SIM1: variants seen among roughly 807,000 people sequenced by gnomAD.
The protein encoded by SIM1 is single-minded homolog 1.
In SIM1, 18 loss-of-function variants were observed where a neutral mutation model predicts 78.2. The ratio of observed to expected loss-of-function variants is 0.23; its 90% CI spans 0.16 to 0.34. SIM1 has a LOEUF of 0.34. Ranked by LOEUF, SIM1 falls within the 10% of genes least tolerant of loss-of-function variation. The pLI, the probability that SIM1 is intolerant of heterozygous loss-of-function variation, is 1.00. For missense variants in SIM1, 939 were observed against 975.1 expected, an observed-to-expected ratio of 0.96 and a Z score of 0.49; for synonymous variants, 417 against 385.2, an observed-to-expected ratio of 1.08 and a Z score of -0.97.
chr6:100,438,518 G>A (rs1012263062), intron 9 of SIM1, among the ~76,000 whole-genome samples: 1 of 152,206 alleles, frequency 6.6e-6, no homozygotes, highest in African/African-American at 2.4e-5. Context: ...TGATAGAAGT[G>A]TAAATTAGTA....
At chr6:100,409,954 A>G (rs1402467132) in intron 10 of SIM1, among the ~76,000 whole-genome samples, 1 of 152,194 alleles carries the variant, frequency 6.6e-6, no homozygotes, top group East Asian at 1.9e-4. Context: ...CAAATGACCT[A>G]TCTGGAAAAT....
chr6:100,455,601 C>T (rs1181135027), intron 2 of SIM1, among the ~76,000 whole-genome samples: 4 of 152,220 alleles, frequency 2.6e-5, no homozygotes, highest in African/African-American at 9.7e-5. Flanking sequence ...GGAGAAAGGA[C>T]CCTATTGGGA....
At position 100,387,292 on chromosome 6, in the gene SIM1, T is replaced by G. The variant is rs1770537433; in HGVS notation, c.*3069A>C. ...TGGCAAAGTTATGGAAATCAAGAAT[T>G]AAAACTAAAGCCATATTAAGTTTAA... is the stretch of plus-strand genomic sequence containing the variant. On this transcript the variant is annotated 3_prime_UTR_variant, in exon 12 of 12. Transcript: ENST00000369208. The G allele has an allele frequency of 6.6e-6, 1 of 152,060 alleles. No individual in the cohort carries two copies. The highest frequency in any genetic ancestry group is 2.1e-4 in the South Asian group (1 of 4,828). 9.4% of individuals were successfully genotyped at this position (152,060 alleles called of 1,614,324 possible).
In SIM1 at chr6:100,444,829, C is replaced by T. The variant is rs79809784; in HGVS notation, c.998+2439G>A. On this transcript the variant is annotated intron_variant, in intron 9 of 11. Transcript: ENST00000369208. The stretch of plus-strand genomic sequence containing the variant: ...CTTATGAATGTTGCCTCCACCAAAA[C>T]ATCACAACCTCATTTGACCAAGGCT... Among the ~76,000 whole-genome samples, 634 of 152,262 alleles carry T rather than the reference C, an allele frequency of 4.2e-3. 3 individuals carry two copies. The highest frequency in any genetic ancestry group is 6.9e-3 in the Non-Finnish European group (471 of 67,964).
intron 9 of SIM1, among the ~76,000 whole-genome samples, chr6:100,443,272 A>C (rs929179923): frequency 2.0e-5 from 3 of 152,062 alleles, no homozygotes; most frequent in African/African-American, 7.2e-5. Flanking sequence ...TCAGTGAATC[A>C]CTCTAAAATA....
intron 9 of SIM1, among the ~76,000 whole-genome samples, chr6:100,445,846 C>T (rs1582314576): frequency 2.6e-5 from 4 of 152,168 alleles, no homozygotes; most frequent in African/African-American, 7.2e-5. Context: ...TACTGTTTCA[C>T]GGAGGGGGCT....
At chr6:100,446,340 C>G (rs1056841574) in intron 9 of SIM1, among the ~76,000 whole-genome samples, 1 of 152,180 alleles carries the variant, frequency 6.6e-6, no homozygotes, top group African/African-American at 2.4e-5. Context: ...CCTGGTGTGT[C>G]AACACTTCCA....
intron 9 of SIM1, among the ~76,000 whole-genome samples, chr6:100,442,842 T>C (rs1229902446): frequency 6.6e-6 from 1 of 152,104 alleles, no homozygotes; most frequent in African/African-American, 2.4e-5. Flanking sequence ...GCACAAATAA[T>C]GTACCTAAAA....
chr6:100,391,396 C>T (rs934381644), intron 11 of SIM1, among the ~76,000 whole-genome samples: 1 of 152,166 alleles, frequency 6.6e-6, no homozygotes, highest in African/African-American at 2.4e-5. Context: ...TGTGTTTATA[C>T]TTCTCCATGG....
chr6:100,460,684 C>T (rs1772817500), intron 2 of SIM1, among the ~76,000 whole-genome samples: 1 of 152,182 alleles, frequency 6.6e-6, no homozygotes, highest in Non-Finnish European at 1.5e-5. Context: ...TCCCCAACTG[C>T]CTTGGACCCC....
At chr6:100,435,363 G>A (rs569612752) in intron 9 of SIM1, among the ~76,000 whole-genome samples, 141 of 152,270 alleles carry the variant, frequency 9.3e-4, no homozygotes, top group Non-Finnish European at 1.5e-3. Flanking sequence ...CTTAAAGAAA[G>A]CATGCCAAAG....
At chr6:100,430,285 G>A (rs893760096) in intron 9 of SIM1, among the ~76,000 whole-genome samples, 8 of 152,134 alleles carry the variant, frequency 5.3e-5, no homozygotes, top group Non-Finnish European at 8.8e-5. Context: ...GGTTGAAGTT[G>A]TACATTCGAC....
Position 100,463,518 on chromosome 6 carries a change from C to T in SIM1, c.-50G>A. The T allele has an allele frequency of 6.6e-7, 1 of 1,504,834 alleles. No homozygotes were observed. The highest frequency in any genetic ancestry group is 1.4e-5 in the African/African-American group (1 of 71,662). 93.2% of individuals were successfully genotyped at this position (1,504,834 alleles called of 1,614,324 possible). A position where few individuals can be genotyped will look rare whatever the true frequency, so the allele number is the denominator to read the frequency against. ...CACAACTTAAGCTCCGCAGATTCAT[C>T]CAAAACCAAAAATAAACTTTCAATT... On this transcript the variant is annotated 5_prime_UTR_variant, in exon 2 of 12. Transcript: ENST00000369208.
At chr6:100,441,147 C>G (rs1246494151) in intron 9 of SIM1, among the ~76,000 whole-genome samples, 2 of 152,154 alleles carry the variant, frequency 1.3e-5, no homozygotes, top group African/African-American at 2.4e-5. Flanking sequence ...GGCCTCTACC[C>G]AGGAACTAAA....
At chr6:100,428,667 G>A (rs112016983) in intron 9 of SIM1, among the ~76,000 whole-genome samples, 51 of 144,582 alleles carry the variant, frequency 3.5e-4, no homozygotes, top group African/African-American at 1.2e-3. Context: ...ACTAGTCCCC[G>A]CCTTATCCGA....
chr6:100,397,912 A>T lies in SIM1; in HGVS notation c.1168-4023T>A, dbSNP rs146359455. Among the ~76,000 whole-genome samples, 777 of 152,282 alleles carry T rather than the reference A, an allele frequency of 5.1e-3. 8 individuals are homozygous for T. Among genetic ancestry groups the T allele is most frequent in the African/African-American group, 0.018 (751 of 41,578 alleles). On this transcript the variant is annotated intron_variant, in intron 10 of 11. Coordinates refer to ENST00000369208, the MANE Select transcript of SIM1 (RefSeq NM_005068.3). ...AGATGGCAAATAATCATATGAAAAG[A>T]TGTTCAACATCATTAGTGACTAGGA...
intron 9 of SIM1, among the ~76,000 whole-genome samples, chr6:100,425,511 T>C (rs1402149141): frequency 6.6e-6 from 1 of 152,160 alleles, no homozygotes; most frequent in Non-Finnish European, 1.5e-5. Flanking sequence ...TGTGCTAGGA[T>C]GGAAAGCACA....
At position 100,390,706 on chromosome 6, in the gene SIM1, G is replaced by C; in HGVS notation, c.1956C>G (p.Pro652=). 1 of 1,614,102 alleles carries C rather than the reference G, an allele frequency of 6.2e-7. No homozygotes were observed. Among genetic ancestry groups the C allele is most frequent in the South Asian group, 1.1e-5 (1 of 91,086 alleles). ...GACTACTTATCCGAGATAGTGCGGT[G>C]GGACTGTTGTCATAGTCATTTTCAT... ...SPHENDYDNS[P]TALSRISSPN... The change falls in exon 12 of 12, where the codon CCC becomes CCG. Residue 652 remains proline (P), a synonymous_variant. Transcript: ENST00000369208.
chr6:100,418,993 C>A (rs1429883028), intron 10 of SIM1, among the ~76,000 whole-genome samples: 3 of 151,956 alleles, frequency 2.0e-5, no homozygotes, highest in African/African-American at 7.3e-5. Context: ...ATGGTGAAAC[C>A]CCATCTCTAC....
Sources: gnomAD v4.1 joint callset for allele counts (sites outside exome capture counted in the v4.1 genomes callset) on GRCh38, gnomAD v4.1.1 for gene constraint, MANE v1.5 for transcripts, NCBI Gene and HGNC (gene_info 2026-07-23, HGNC 2026-07-21) for gene names.